The following NUP133 variants were observed in gnomAD, a reference collection of about 807,000 sequenced individuals.
The protein encoded by NUP133 is nuclear pore complex protein Nup133.
NUP133 carries 66 observed loss-of-function variants against 146.2 expected under a neutral mutation model. That is an observed-to-expected ratio of 0.45 (90% CI 0.37 to 0.55). The LOEUF (loss-of-function observed/expected upper bound fraction) is 0.55. Ranked by LOEUF, NUP133 falls within the 20% of genes least tolerant of loss-of-function variation. The pLI, the probability that NUP133 is intolerant of heterozygous loss-of-function variation, is 0.00. For synonymous variants in NUP133, 521 were observed against 498.8 expected, an observed-to-expected ratio of 1.04 and a Z score of -0.59; for missense variants, 1,277 against 1,374.8, an observed-to-expected ratio of 0.93 and a Z score of 1.12.
At chr1:229,450,647 TAACTAA>T in intron 22 of NUP133, 42 bp from the exon 23 acceptor site, 1 of 937,496 alleles carries the variant, frequency 1.1e-6, no homozygotes, top group South Asian at 1.5e-5. Context: ...TACAATCATG[TAACTAA>T]TACTAGAGAC....
rs374068649 is a variant in NUP133 at position 229,465,470 on chromosome 1, T to C, written c.2249A>G (p.Tyr750Cys). ...SHYRQNRNSL[Y>C]RREESLEKEP... is the part of the protein sequence containing the mutation. Reference sequence around the variant, plus strand: ...TTTTTCTAGTGATTCTTCTCTTCTATACAAAGAGTTTCTATTTTGGCGATA... The same window carrying C: ...TTTTTCTAGTGATTCTTCTCTTCTACACAAAGAGTTTCTATTTTGGCGATA... The change falls in exon 17 of 26, where the codon TAT (tyrosine) becomes TGT (cysteine). Residue 750 changes from tyrosine to cysteine, a missense_variant. Physicochemically the swap from Tyr to Cys is radical, Grantham distance 194. Around this residue, in one of 3 missense-constraint regions of NUP133, gnomAD observed 952 missense variants for 1,047.0 expected, o/e 0.91. Coordinates refer to ENST00000261396, the MANE Select transcript of NUP133 (RefSeq NM_018230.3). 8 of 1,613,894 alleles carry C rather than the reference T, an allele frequency of 5.0e-6. No individual in the cohort carries two copies. Among genetic ancestry groups the C allele is most frequent in the East Asian group, 2.2e-5 (1 of 44,888 alleles).
At chr1:229,475,125 AC>A (rs1558098615) in intron 14 of NUP133, among the ~76,000 whole-genome samples, 1 of 146,124 alleles carries the variant, frequency 6.8e-6, no homozygotes, top group Non-Finnish European at 1.5e-5. Flanking sequence ...AATAAATAAA[AC>A]AAACAAACAA....
intron 25 of NUP133, among the ~76,000 whole-genome samples, chr1:229,443,085 T>C (rs1017490392): frequency 6.6e-6 from 1 of 152,152 alleles, no homozygotes; most frequent in African/African-American, 2.4e-5. Flanking sequence ...TGGAGTGGAA[T>C]GGTACGATCG....
chr1:229,459,858 A>G (rs139358412), intron 20 of NUP133, among the ~76,000 whole-genome samples: 174 of 152,136 alleles, frequency 1.1e-3, no homozygotes, highest in African/African-American at 3.9e-3. Flanking sequence ...ACTGACTTCA[A>G]CTCCTCTGGA....
At chr1:229,447,107 A>G (rs1156958193) in intron 24 of NUP133, among the ~76,000 whole-genome samples, 2 of 152,274 alleles carry the variant, frequency 1.3e-5, no homozygotes, top group South Asian at 4.2e-4. Context: ...CTGGGCAACA[A>G]GAGTGAAACT....
chr1:229,466,905 A>T, intron 15 of NUP133, 149 bp from the exon 16 acceptor site: 1 of 684,840 alleles, frequency 1.5e-6, no homozygotes, highest in East Asian at 2.8e-5. Context: ...ATAAATTCAA[A>T]AATCAAGAAA....
rs917906135 is a variant in NUP133, at chr1:229,472,147, G to A, written c.1852-1343C>T. Among the ~76,000 whole-genome samples the A allele has an allele frequency of 1.1e-4, 17 of 151,550 alleles. No homozygotes were observed. The East Asian group carries it at 1.4e-3, about 12-fold the overall frequency. On this transcript the variant is annotated intron_variant, in intron 14 of 25. Transcript: ENST00000261396. ...ATCCTGGCTGAAACAGTGAAACCCC[G>A]TCTCTACTAAAAATACAAAAAATTA...
intron 1 of NUP133, 184 bp downstream of exon 1, chr1:229,507,884 T>A: frequency 1.0e-6 from 1 of 979,388 alleles, no homozygotes; most frequent in Non-Finnish European, 1.2e-6. Flanking sequence ...GGGAATCAAC[T>A]GATCAACTGA....
At chr1:229,443,918 T>A (rs200237463) in intron 25 of NUP133, among the ~76,000 whole-genome samples, 49 of 128,088 alleles carry the variant, frequency 3.8e-4, no homozygotes, top group East Asian at 2.3e-3. Flanking sequence ...TTTTTTTTTT[T>A]AAAATAGGGA....
At chr1:229,508,026 T>G in intron 1 of NUP133, 42 bp downstream of exon 1, 1 of 1,414,660 alleles carries the variant, frequency 7.1e-7, no homozygotes, top group East Asian at 2.7e-5. Context: ...CTGCGGCCCG[T>G]GAGGCTGTTG....
intron 4 of NUP133, 71 bp downstream of exon 4, chr1:229,500,682 AGAG>A (rs1354580922): frequency 1.2e-6 from 1 of 845,546 alleles, no homozygotes; most frequent in Non-Finnish European, 1.9e-6. Flanking sequence ...TCAAAATCAA[AGAG>A]GATGATTCCT....
rs1410601049 is a variant in NUP133 at position 229,500,846 on chromosome 1, T to C, written c.423A>G (p.Glu141=). The part of the protein sequence containing the change: ...SPITKLSVCK[E]LQLPPSDFHW... The stretch of plus-strand genomic sequence containing the variant: ...GGAAATCACTAGGTGGCAGCTGAAG[T>C]TCTTTGCAAACGGATAACTGTAGAA... Residue 141 remains glutamate, a synonymous_variant, in exon 4 of 26, where the codon GAA becomes GAG. Coordinates refer to ENST00000261396, the MANE Select transcript of NUP133 (RefSeq NM_018230.3). 2 of 1,612,212 alleles carry C rather than the reference T, an allele frequency of 1.2e-6. No individual in the cohort carries two copies. The highest frequency in any genetic ancestry group is 2.2e-5 in the South Asian group (2 of 90,806).
chr1:229,447,295 AACC>A (rs1660322545), intron 24 of NUP133, among the ~76,000 whole-genome samples: 1 of 152,204 alleles, frequency 6.6e-6, no homozygotes, highest in Non-Finnish European at 1.5e-5. Flanking sequence ...TTACTAATGT[AACC>A]ATTAAAATTT....
At chr1:229,501,563 T>C (rs536525355) in intron 3 of NUP133, among the ~76,000 whole-genome samples, 1 of 152,334 alleles carries the variant, frequency 6.6e-6, no homozygotes, top group Admixed American at 6.5e-5. Flanking sequence ...CTGTTGGAAG[T>C]GGACAAGTGA....
At chr1:229,480,873 T>TA (rs1661194930) in intron 12 of NUP133, among the ~76,000 whole-genome samples, 1 of 144,916 alleles carries the variant, frequency 6.9e-6, no homozygotes, top group African/African-American at 2.5e-5. Flanking sequence ...TTTTTTTTTT[T>TA]AAGAAGAGAC....
At chr1:229,466,885 G>A in intron 15 of NUP133, 129 bp from the exon 16 acceptor site, 1 of 695,350 alleles carries the variant, frequency 1.4e-6, no homozygotes. Context: ...ATTGGCAGTT[G>A]ATGGTAAAAA....
At chr1:229,475,088 T>C (rs1286302905) in intron 14 of NUP133, among the ~76,000 whole-genome samples, 1 of 151,450 alleles carries the variant, frequency 6.6e-6, no homozygotes, top group African/African-American at 2.4e-5. Context: ...GGCAACAGAG[T>C]GCCCTGTCTC....
chr1:229,474,881 T>C (rs1558098487), intron 14 of NUP133, among the ~76,000 whole-genome samples: 2 of 152,112 alleles, frequency 1.3e-5, no homozygotes, highest in East Asian at 1.9e-4. Flanking sequence ...AGTGCAGTGA[T>C]TTCTTGAGCC....
In NUP133 at chr1:229,484,141, A is replaced by G. The variant is rs200943920; in HGVS notation, c.1505T>C (p.Met502Thr). 2.3e-4 allele frequency: 376 copies of G among 1,608,112 alleles called. No individual in the cohort carries two copies. Among genetic ancestry groups the G allele is most frequent in the Non-Finnish European group, 3.1e-4 (360 of 1,175,464 alleles). ...SSVAGPNSES[M>T]IFETTTKNET... ...ATTCTTTGTAGTGGTCTCAAAAATC[A>G]TACTCTGCAAAATAACAAAGTATAG... Residue 502 changes from methionine (M) to threonine (T), a missense_variant, in exon 12 of 26, where the codon ATG (methionine) becomes ACG (threonine). This residue lies in a region of NUP133 where 952 missense variants were observed against 1,047.0 expected (regional missense o/e 0.91). Coordinates refer to ENST00000261396, the MANE Select transcript of NUP133 (RefSeq NM_018230.3).
Sources: gnomAD v4.1 joint callset for allele counts (sites outside exome capture counted in the v4.1 genomes callset) on GRCh38, gnomAD v4.1.1 for gene constraint, gnomAD v4.1.1 regional missense constraint, MANE v1.5 for transcripts, NCBI Gene and HGNC (gene_info 2026-07-23, HGNC 2026-07-21) for gene names.